The following VTI1B variants were observed in gnomAD, a reference collection of about 807,000 sequenced individuals.
VTI1B encodes the protein vesicle transport through interaction with t-SNAREs homolog 1B.
A neutral mutation model predicts 28.6 loss-of-function variants in VTI1B; 18 were observed. The ratio of observed to expected loss-of-function variants is 0.63; its 90% CI spans 0.43 to 0.93. The LOEUF (loss-of-function observed/expected upper bound fraction) is 0.93, where lower values mean the gene tolerates loss of function less well. VTI1B is among the 40% of genes least tolerant of loss of function. The pLI, the probability that VTI1B is intolerant of heterozygous loss-of-function variation, is 0.00. For synonymous variants in VTI1B, 100 were observed against 107.9 expected (o/e 0.93, Z 0.46); for missense variants, 283 against 297.0 (o/e 0.95, Z 0.35).
intron 4 of VTI1B, 128 bp downstream of exon 4, chr14:67,656,288 T>A: frequency 2.3e-6 from 2 of 871,298 alleles, no homozygotes; most frequent in Non-Finnish European, 3.2e-6. Flanking sequence ...GAGAAAAGCA[T>A]AAGAACTTAA....
intron 1 of VTI1B, among the ~76,000 whole-genome samples, chr14:67,670,045 T>A (rs1213650981): frequency 1.3e-5 from 2 of 152,136 alleles, no homozygotes; most frequent in Non-Finnish European, 2.9e-5. Context: ...CAGTGAGCAG[T>A]GATGGTGCCA....
At position 67,662,663 on chromosome 14, in the gene VTI1B, T is replaced by C. The variant is rs1449883313; in HGVS notation, c.116-128A>G. ...GCTCATGCCTGTAATCCCAGCACTT[T>C]GGGAGGCCAAGGCAGGTGGATCACA... On this transcript the variant is annotated intron_variant, in intron 1 of 5. Coordinates refer to ENST00000554659, the MANE Select transcript of VTI1B (RefSeq NM_006370.3). The C allele has an allele frequency of 8.2e-6, 7 of 851,642 alleles. No homozygotes were observed. The East Asian group carries it at 1.8e-4, about 22-fold the overall frequency. 52.8% of individuals were successfully genotyped at this position (851,642 alleles called of 1,614,324 possible).
At chr14:67,663,096 G>T in intron 1 of VTI1B, 2 of 1,506,838 alleles carry the variant, frequency 1.3e-6, no homozygotes, top group Non-Finnish European at 1.8e-6. Flanking sequence ...GCAATGACTT[G>T]AACGATGAGA....
At chr14:67,655,859 T>C (rs189409968) in intron 4 of VTI1B, among the ~76,000 whole-genome samples, 5 of 152,322 alleles carry the variant, frequency 3.3e-5, no homozygotes, top group South Asian at 2.1e-4. Context: ...TCCATCTTTT[T>C]TTCCCCTCAC....
At chr14:67,661,812 G>C (rs2037339006) in intron 2 of VTI1B, among the ~76,000 whole-genome samples, 1 of 152,142 alleles carries the variant, frequency 6.6e-6, no homozygotes, top group South Asian at 2.1e-4. Flanking sequence ...GGGATTGCAA[G>C]CGTGAGCCAC....
chr14:67,661,602 G>C (rs761635087), intron 2 of VTI1B, among the ~76,000 whole-genome samples: 96 of 145,620 alleles, frequency 6.6e-4, no homozygotes, highest in Non-Finnish European at 1.2e-3. Flanking sequence ...GTGCAACTGT[G>C]GCTAACCACA....
At chr14:67,662,783 A>C (rs1442210514) in intron 1 of VTI1B, among the ~76,000 whole-genome samples, 4 of 151,978 alleles carry the variant, frequency 2.6e-5, no homozygotes, top group African/African-American at 9.7e-5. Context: ...AGGCACCTGT[A>C]ATCTCAGCTA....
Position 67,651,501 on chromosome 14 carries a change from G to A in VTI1B, c.603-20C>T. 6.2e-7 allele frequency: 1 copy of A among 1,612,370 alleles called. No individual in the cohort carries two copies. The highest frequency in any genetic ancestry group is 1.3e-5 in the African/African-American group (1 of 74,994). On this transcript the variant is annotated intron_variant, in intron 5 of 5. Transcript: ENST00000554659. The stretch of plus-strand genomic sequence containing the variant: ...GTCACTCTACAAAGAGAAGCAAAGT[G>A]GGGAGTAGTCAGAAGTTTGGATAAC...
chr14:67,657,529 G>C (rs1458610487), intron 3 of VTI1B, among the ~76,000 whole-genome samples: 1 of 152,024 alleles, frequency 6.6e-6, no homozygotes, highest in Non-Finnish European at 1.5e-5. Flanking sequence ...TGTCAGGCCA[G>C]AATTAACAAC....
At chr14:67,672,396 G>C (rs528105039) in intron 1 of VTI1B, among the ~76,000 whole-genome samples, 25 of 151,664 alleles carry the variant, frequency 1.6e-4, no homozygotes, top group African/African-American at 6.0e-4. Flanking sequence ...TGGGATTACA[G>C]GTGTGAGCCA....
chr14:67,674,345 TC>T, intron 1 of VTI1B, 29 bp downstream of exon 1: 1 of 1,551,872 alleles, frequency 6.4e-7, no homozygotes, highest in Non-Finnish European at 8.7e-7. Flanking sequence ...AGGGCTGCGC[TC>T]CCCACGGCGT....
rs1339891680 is a variant in VTI1B, at chr14:67,656,574, G to C, written c.382C>G (p.Gln128Glu). Residue 128 changes from glutamine (Q) to glutamate (E), a missense_variant, in exon 4 of 6, where the codon CAA becomes GAA. Transcript: ENST00000554659. ...ENEHMNRLQS[Q>E]RAMLLQGTES... is the part of the protein sequence containing the mutation. ...GTGCCCTGCAGAAGCATTGCCCTTT[G>C]AGACTGTAGCCGATTCTGAAAGAAG... 6.2e-7 allele frequency: 1 copy of C among 1,606,910 alleles called. No individual in the cohort carries two copies. Among genetic ancestry groups the C allele is most frequent in the Non-Finnish European group, 8.5e-7 (1 of 1,177,086 alleles).
At chr14:67,667,805 G>A (rs2037419567) in intron 1 of VTI1B, among the ~76,000 whole-genome samples, 3 of 152,074 alleles carry the variant, frequency 2.0e-5, no homozygotes, top group African/African-American at 2.4e-5. Flanking sequence ...TTAGCCCGGC[G>A]TGGTGGTGGG....
At chr14:67,654,321 GC>G (rs2037227072) in intron 4 of VTI1B, among the ~76,000 whole-genome samples, 4 of 588 alleles carry the variant, frequency 6.8e-3, no homozygotes, top group Admixed American at 0.065. Flanking sequence ...ATGAGGTCTC[GC>G]TCTAGAGATG....
At chr14:67,659,614 A>C (rs1199406639) in intron 3 of VTI1B, 117 bp downstream of exon 3, 7 of 1,077,614 alleles carry the variant, frequency 6.5e-6, no homozygotes, top group Non-Finnish European at 8.9e-6. Context: ...AGGGTGAAAA[A>C]AATGAAACAA....
chr14:67,654,906 G>A (rs2037234385), intron 4 of VTI1B, among the ~76,000 whole-genome samples: 1 of 151,818 alleles, frequency 6.6e-6, no homozygotes, highest in Non-Finnish European at 1.5e-5. Context: ...GCAGACGCCT[G>A]TAGTCCCAGC....
At position 67,650,546 on chromosome 14, in the gene VTI1B, T is replaced by A; in HGVS notation, c.*839A>T. The stretch of plus-strand genomic sequence containing the variant: ...TAGCACAACAGTGTTTTAACTTAAA[T>A]TCATGGCCAAGAGGATGAGGTGCAA... On this transcript the variant is annotated 3_prime_UTR_variant, in exon 6 of 6. Coordinates refer to ENST00000554659, the MANE Select transcript of VTI1B (RefSeq NM_006370.3). 1 of 620,436 alleles carries A rather than the reference T, an allele frequency of 1.6e-6. No individual in the cohort carries two copies. The allele number at this position is 620,436 out of a possible 1,614,324, so 38.4% of individuals were successfully genotyped here. A position where few individuals can be genotyped will look rare whatever the true frequency, so the allele number is the denominator to read the frequency against.
chr14:67,660,964 G>A (rs1186623588), intron 2 of VTI1B, among the ~76,000 whole-genome samples: 1 of 152,214 alleles, frequency 6.6e-6, no homozygotes, highest in Non-Finnish European at 1.5e-5. Context: ...GAAGAAGATA[G>A]TTCCCACAGT....
At chr14:67,667,740 C>T (rs2037418681) in intron 1 of VTI1B, among the ~76,000 whole-genome samples, 1 of 152,160 alleles carries the variant, frequency 6.6e-6, no homozygotes, top group East Asian at 1.9e-4. Context: ...GTCAGGAGAT[C>T]GAGACCATCC....
Sources: gnomAD v4.1 joint callset for allele counts (sites outside exome capture counted in the v4.1 genomes callset) on GRCh38, gnomAD v4.1.1 for gene constraint, MANE v1.5 for transcripts, NCBI Gene and HGNC (gene_info 2026-07-23, HGNC 2026-07-21) for gene names.